SEMA4D: variants seen among roughly 807,000 people sequenced by gnomAD.
The protein encoded by SEMA4D is semaphorin 4D.
In SEMA4D, 22 loss-of-function variants were observed where a neutral mutation model predicts 74.8. That is an observed-to-expected ratio of 0.29 (90% CI 0.21 to 0.42). The LOEUF (loss-of-function observed/expected upper bound fraction) is 0.42, where lower values mean the gene tolerates loss of function less well. Ranked by LOEUF, SEMA4D falls within the 10% of genes least tolerant of loss-of-function variation. The pLI, the probability that SEMA4D is intolerant of heterozygous loss-of-function variation, is 1.00. For synonymous variants in SEMA4D, 445 were observed against 463.7 expected (o/e 0.96, Z 0.52); for missense variants, 937 against 1,118.4 (o/e 0.84, Z 2.31).
At position 89,498,083 on chromosome 9, in the gene SEMA4D, G is replaced by C. The variant is rs1187552400; in HGVS notation, c.-474C>G. On this transcript the variant is annotated 5_prime_UTR_variant, in exon 1 of 16. Transcript: ENST00000422704. ...GCGGCTGGGATGCTGCGGCGCGCGA[G>C]AGCGCTGAGGCCGGCGCGGGGACGG... 1 of 149,320 alleles carries C rather than the reference G, an allele frequency of 6.7e-6. No homozygotes were observed. Among genetic ancestry groups the C allele is most frequent in the Admixed American group, 6.7e-5 (1 of 14,956 alleles). 9.2% of individuals were successfully genotyped at this position (149,320 alleles called of 1,614,324 possible). A position where few individuals can be genotyped will look rare whatever the true frequency, so the allele number is the denominator to read the frequency against.
chr9:89,425,744 G>A (rs1299384321), intron 2 of SEMA4D, among the ~76,000 whole-genome samples: 2 of 152,214 alleles, frequency 1.3e-5, no homozygotes, highest in East Asian at 3.8e-4. Context: ...CTGCTGGGAA[G>A]AGGAAAAACA....
chr9:89,461,652 A>G (rs1857219408), intron 1 of SEMA4D, among the ~76,000 whole-genome samples: 1 of 148,304 alleles, frequency 6.7e-6, no homozygotes, highest in African/African-American at 2.5e-5. Context: ...AAACCCCCAG[A>G]GTCCTGGGAA....
At chr9:89,400,592 T>C (rs1009548013) in intron 4 of SEMA4D, among the ~76,000 whole-genome samples, 5 of 152,230 alleles carry the variant, frequency 3.3e-5, no homozygotes, top group Admixed American at 3.3e-4. Context: ...TTCATAGAAA[T>C]GGAAGTCCTG....
intron 13 of SEMA4D, chr9:89,384,848 C>T (rs1160800211): frequency 2.0e-6 from 2 of 985,314 alleles, no homozygotes; most frequent in African/African-American, 3.5e-5. Context: ...CCACTTCCTG[C>T]TGCCATGGCC....
At chr9:89,370,876 G>A (rs1364840501) in intron 16 of SEMA4D, among the ~76,000 whole-genome samples, 2 of 143,492 alleles carry the variant, frequency 1.4e-5, no homozygotes, top group Non-Finnish European at 3.1e-5. Context: ...TGGCGTGTGG[G>A]GTGTGTGTCT....
intron 2 of SEMA4D, among the ~76,000 whole-genome samples, chr9:89,409,881 A>G (rs1415342129): frequency 6.6e-6 from 1 of 152,242 alleles, no homozygotes; most frequent in African/African-American, 2.4e-5. Context: ...CTAAGAGTCC[A>G]GAGCCAGGAG....
intron 3 of SEMA4D, 57 bp from the exon 4 acceptor site, chr9:89,403,073 T>C (rs769118608): frequency 6.3e-6 from 10 of 1,576,866 alleles, no homozygotes; most frequent in Non-Finnish European, 8.7e-6. Flanking sequence ...ATGGAAGCAT[T>C]TTTAAACCTG....
rs1476437760 is a variant in SEMA4D at position 89,372,004 on chromosome 9, G to GGT, written c.1882+4827_1882+4828dup. Among the ~76,000 whole-genome samples, 23 of 51,818 alleles carry GGT rather than the reference G, an allele frequency of 4.4e-4. No individual in the cohort carries two copies. In the East Asian group the frequency reaches 5.6e-3, roughly 13 times the overall value. The allele number at this position is 51,818 out of a possible 152,430, so 34.0% of individuals were successfully genotyped here. On this transcript the variant is annotated intron_variant, in intron 16 of 18. Coordinates refer to the SEMA4D transcript ENST00000339861. ...TGTCTGGGGTGTGGTGTGTGTCTGG[G>GGT]GTGTGGTGTGTGTCTGGGGTGTGGT...
chr9:89,438,292 G>C (rs959727007), intron 2 of SEMA4D, among the ~76,000 whole-genome samples: 9 of 152,264 alleles, frequency 5.9e-5, no homozygotes, highest in African/African-American at 9.6e-5. Flanking sequence ...GGCCTCAGCT[G>C]GTGCTGGACT....
chr9:89,461,700 C>CTTTTTTCTCTCTTTTTTT (rs1554781760), intron 1 of SEMA4D, among the ~76,000 whole-genome samples: 1 of 103,646 alleles, frequency 9.6e-6, no homozygotes, highest in African/African-American at 3.5e-5. Context: ...TCTTTTTTCT[C>CTTTTTTCTCTCTTTTTTT]TTTTTTTTTT....
chr9:89,468,067 T>C (rs187732812), intron 1 of SEMA4D, among the ~76,000 whole-genome samples: 1 of 152,158 alleles, frequency 6.6e-6, no homozygotes, highest in African/African-American at 2.4e-5. Flanking sequence ...ACTAGGGTAG[T>C]CGTGGTGTTA....
intron 5 of SEMA4D, 112 bp downstream of exon 5, chr9:89,399,164 C>A: frequency 1.2e-6 from 1 of 868,756 alleles, no homozygotes; most frequent in Non-Finnish European, 1.9e-6. Context: ...GCAGAATGAA[C>A]AGAGCCTGGA....
chr9:89,403,356 C>T (rs1476380011), intron 3 of SEMA4D, among the ~76,000 whole-genome samples: 1 of 152,234 alleles, frequency 6.6e-6, no homozygotes. Flanking sequence ...CTGCCAGATG[C>T]TTCCTGTGAT....
At chr9:89,369,856 TAAGTC>T (rs1210470878) in intron 16 of SEMA4D, among the ~76,000 whole-genome samples, 4 of 148,770 alleles carry the variant, frequency 2.7e-5, no homozygotes, top group African/African-American at 5.0e-5. Flanking sequence ...GAAACGATCC[TAAGTC>T]AACAATGTGT....
At chr9:89,480,899 T>C (rs1265093206) in intron 1 of SEMA4D, among the ~76,000 whole-genome samples, 1 of 152,230 alleles carries the variant, frequency 6.6e-6, no homozygotes. Flanking sequence ...GCTCCTCAAA[T>C]GCCGCCAAAG....
intron 1 of SEMA4D, among the ~76,000 whole-genome samples, chr9:89,483,464 A>G (rs981185010): frequency 2.6e-5 from 4 of 152,198 alleles, no homozygotes; most frequent in Non-Finnish European, 5.9e-5. Flanking sequence ...AGGAAAATCA[A>G]GCGGTAGAGG....
Position 89,378,746 on chromosome 9 carries a change from CTTG to C in SEMA4D, c.2544_2546del (p.Lys849del), listed in dbSNP as rs769045065. 1 of 1,614,214 alleles carries C rather than the reference CTTG, an allele frequency of 6.2e-7. No homozygotes were observed. The highest frequency in any genetic ancestry group is 8.5e-7 in the Non-Finnish European group (1 of 1,180,048). ...CTGAGTCAGCGAACTTCAGCTCACACTTGACGTCAAAGGGCTTGTCCCTGGCAG... is the reference window on the plus strand; with the variant it reads ...CTGAGTCAGCGAACTTCAGCTCACACACGTCAAAGGGCTTGTCCCTGGCAG... On this transcript the variant is annotated inframe_deletion, in exon 16 of 16. Coordinates refer to ENST00000422704, the MANE Select transcript of SEMA4D (RefSeq NM_001371194.2).
chr9:89,366,366 AT>A (rs1215762601), intron 16 of SEMA4D, among the ~76,000 whole-genome samples: 1 of 152,166 alleles, frequency 6.6e-6, no homozygotes, highest in African/African-American at 2.4e-5. Flanking sequence ...TATAATAATA[AT>A]TTTTTATAAA....
chr9:89,461,608 A>G (rs962113501), intron 1 of SEMA4D, among the ~76,000 whole-genome samples: 1 of 151,976 alleles, frequency 6.6e-6, no homozygotes, highest in African/African-American at 2.4e-5. Flanking sequence ...GGAGAGTAGC[A>G]TATGAACAGA....
Sources: allele counts gnomAD v4.1 joint callset (sites outside exome capture counted in the v4.1 genomes callset), GRCh38; gene constraint gnomAD v4.1.1; transcripts MANE v1.5; gene names NCBI Gene and HGNC (gene_info 2026-07-23, HGNC 2026-07-21).